RHBDD1: variants seen among roughly 807,000 people sequenced by gnomAD.
RHBDD1 encodes rhomboid domain containing 1, also known as rhomboid-related protein 4.
A neutral mutation model predicts 36.3 loss-of-function variants in RHBDD1; 38 were observed. The ratio of observed to expected loss-of-function variants is 1.05; its 90% CI spans 0.81 to 1.37. The LOEUF is 1.37. Among genes scored for constraint, RHBDD1 ranks in the 40% most tolerant of loss-of-function variants. The probability of loss-of-function intolerance (pLI) is 0.00; values close to 1 mark genes in which losing one functional copy is unlikely to be tolerated. For missense variants in RHBDD1, 393 were observed against 377.6 expected (o/e 1.04, Z -0.34); for synonymous variants, 151 against 136.5 (o/e 1.11, Z -0.74).
chr2:226,970,986 A>G (rs1312049629), intron 8 of RHBDD1, among the ~76,000 whole-genome samples: 1 of 152,214 alleles, frequency 6.6e-6, no homozygotes, highest in Non-Finnish European at 1.5e-5. Context: ...TGTATAATAT[A>G]TATCATCATA....
intron 8 of RHBDD1, among the ~76,000 whole-genome samples, chr2:226,979,550 C>T (rs1470435228): frequency 2.6e-5 from 4 of 152,056 alleles, no homozygotes; most frequent in African/African-American, 9.7e-5. Flanking sequence ...TTGGCTGGCT[C>T]ATCATATTCA....
At chr2:226,896,710 C>T (rs1432050349) in intron 5 of RHBDD1, among the ~76,000 whole-genome samples, 1 of 152,164 alleles carries the variant, frequency 6.6e-6, no homozygotes, top group Non-Finnish European at 1.5e-5. Flanking sequence ...TTTACTATGG[C>T]ACATAAGGCA....
chr2:226,973,947 A>C (rs1019319422), intron 8 of RHBDD1, among the ~76,000 whole-genome samples: 3 of 152,200 alleles, frequency 2.0e-5, no homozygotes, highest in Admixed American at 6.5e-5. Flanking sequence ...CTTTGATAGC[A>C]GAGTGGCTGC....
intron 5 of RHBDD1, among the ~76,000 whole-genome samples, chr2:226,888,852 C>G (rs1380070983): frequency 3.3e-5 from 5 of 152,082 alleles, no homozygotes; most frequent in Non-Finnish European, 7.4e-5. Flanking sequence ...CAGGAGTTAT[C>G]AAATCTCTGG....
intron 8 of RHBDD1, among the ~76,000 whole-genome samples, chr2:226,919,725 G>A (rs989807723): frequency 1.3e-5 from 2 of 151,976 alleles, no homozygotes; most frequent in Non-Finnish European, 2.9e-5. Context: ...GGTTATTATA[G>A]CTTTGTAGTA....
intron 7 of RHBDD1, among the ~76,000 whole-genome samples, chr2:226,909,158 C>G (rs746379682): frequency 1.3e-5 from 2 of 152,016 alleles, no homozygotes; most frequent in Non-Finnish European, 2.9e-5. Context: ...TCATATTAGA[C>G]CTTGGTTCTT....
At chr2:226,960,557 A>G (rs1952118476) in intron 8 of RHBDD1, among the ~76,000 whole-genome samples, 3 of 152,204 alleles carry the variant, frequency 2.0e-5, no homozygotes, top group Non-Finnish European at 4.4e-5. Context: ...GTGTTAGGTT[A>G]TTTCGATGCT....
At chr2:226,897,181 C>G (rs1575003220) in intron 5 of RHBDD1, among the ~76,000 whole-genome samples, 1 of 152,160 alleles carries the variant, frequency 6.6e-6, no homozygotes, top group Non-Finnish European at 1.5e-5. Context: ...ATCTTCCATT[C>G]CCACTTCTGA....
At chr2:226,911,691 A>G (rs566061569) in intron 7 of RHBDD1, among the ~76,000 whole-genome samples, 2 of 151,852 alleles carry the variant, frequency 1.3e-5, no homozygotes, top group Non-Finnish European at 1.5e-5. Context: ...ATTCTATTGG[A>G]TAGAGACCAG....
chr2:226,912,297 G>A (rs967119758), intron 7 of RHBDD1, among the ~76,000 whole-genome samples: 1 of 152,114 alleles, frequency 6.6e-6, no homozygotes, highest in Non-Finnish European at 1.5e-5. Context: ...ACATTCTGGC[G>A]ATTCCTCAGA....
chr2:226,933,269 T>C (rs1950141921), intron 8 of RHBDD1, among the ~76,000 whole-genome samples: 1 of 152,110 alleles, frequency 6.6e-6, no homozygotes, highest in African/African-American at 2.4e-5. Flanking sequence ...TAAGGCATTA[T>C]TCCATAGGCT....
rs557754284 is a variant in RHBDD1, at chr2:226,996,886, C to T, written c.*1364C>T. The stretch of plus-strand genomic sequence containing the variant: ...ACTATGTGTCCATTGAGAAAATTCA[C>T]AATATAAACAGAAATACAAATAAAT... On this transcript the variant is annotated 3_prime_UTR_variant, in exon 9 of 9. Coordinates refer to ENST00000392062, the MANE Select transcript of RHBDD1 (RefSeq NM_001167608.3). The T allele has an allele frequency of 1.3e-5, 2 of 152,284 alleles. No homozygotes were observed. Among genetic ancestry groups the T allele is most frequent in the African/African-American group, 4.8e-5 (2 of 41,572 alleles). The allele number at this position is 152,284 out of a possible 1,614,324, so 9.4% of individuals were successfully genotyped here.
chr2:226,916,564 G>A (rs975283133), intron 8 of RHBDD1, among the ~76,000 whole-genome samples: 2 of 152,122 alleles, frequency 1.3e-5, no homozygotes, highest in African/African-American at 4.8e-5. Context: ...AGTCAAAAGA[G>A]CCAAAGAACA....
At chr2:226,838,515 T>G (rs115685359) in intron 2 of RHBDD1, among the ~76,000 whole-genome samples, 1 of 152,178 alleles carries the variant, frequency 6.6e-6, no homozygotes, top group Non-Finnish European at 1.5e-5. Flanking sequence ...GTAGGAGTCA[T>G]AGGATGTGCT....
chr2:226,877,945 C>A (rs1261066803), intron 5 of RHBDD1, among the ~76,000 whole-genome samples: 1 of 151,860 alleles, frequency 6.6e-6, no homozygotes, highest in Non-Finnish European at 1.5e-5. Flanking sequence ...TGCTTTTGTG[C>A]CATTAGTGTA....
rs1559207703 is a variant in RHBDD1 at position 226,864,633 on chromosome 2, C to A, written c.-61C>A. The A allele has an allele frequency of 7.2e-7, 1 of 1,387,174 alleles. No individual in the cohort carries two copies. Among genetic ancestry groups the A allele is most frequent in the African/African-American group, 1.4e-5 (1 of 70,200 alleles). 85.9% of individuals were successfully genotyped at this position (1,387,174 alleles called of 1,614,324 possible). A position where few individuals can be genotyped will look rare whatever the true frequency, so the allele number is the denominator to read the frequency against. ...AGCCGTCTGTATATCTCCCCAGATA[C>A]CTGAAACTGACCACCTGAGTACGTT... On this transcript the variant is annotated 5_prime_UTR_variant, in exon 4 of 9. An upstream open reading frame in the 5' UTR gains an earlier in-frame stop. Transcript: ENST00000392062.
chr2:226,944,662 A>G (rs1950862605), intron 8 of RHBDD1, among the ~76,000 whole-genome samples: 1 of 152,212 alleles, frequency 6.6e-6, no homozygotes, highest in Non-Finnish European at 1.5e-5. Context: ...TAAACTCAGA[A>G]TTCATAGATT....
intron 8 of RHBDD1, chr2:226,988,455 T>G (rs142177202): frequency 6.5e-7 from 1 of 1,549,020 alleles, no homozygotes; most frequent in South Asian, 1.2e-5. Flanking sequence ...TAAGGAATCC[T>G]TTGAGGCTGC....
chr2:226,868,446 T>C (rs1487690400), intron 5 of RHBDD1, among the ~76,000 whole-genome samples: 1 of 152,208 alleles, frequency 6.6e-6, no homozygotes, highest in Non-Finnish European at 1.5e-5. Flanking sequence ...AAAAGGAAGA[T>C]AAGTTGTGTT....
Sources: allele counts gnomAD v4.1 joint callset (sites outside exome capture counted in the v4.1 genomes callset), GRCh38; gene constraint gnomAD v4.1.1; transcripts MANE v1.5; gene names NCBI Gene and HGNC (gene_info 2026-07-23, HGNC 2026-07-21).